LARGE1: variants seen among roughly 807,000 people sequenced by gnomAD.
LARGE1 encodes the protein LARGE xylosyl- and glucuronyltransferase 1.
In LARGE1, 43 loss-of-function variants were observed where a neutral mutation model predicts 87.6. That is an observed-to-expected ratio of 0.49 (90% CI 0.38 to 0.63). LARGE1 has a LOEUF of 0.63. LARGE1 is among the 30% of genes least tolerant of loss of function. The pLI is 0.00. For synonymous variants in LARGE1, 434 were observed against 394.6 expected (o/e 1.10, Z -1.18); for missense variants, 802 against 1,000.2 (o/e 0.80, Z 2.67).
chr22:33,315,251 T>G (rs1936023319), intron 11 of LARGE1, among the ~76,000 whole-genome samples: 1 of 152,192 alleles, frequency 6.6e-6, no homozygotes, highest in South Asian at 2.1e-4. Context: ...CTCACTTAAC[T>G]GCTCTGCAAG....
chr22:33,671,106 A>G (rs1384580782), intron 2 of LARGE1, among the ~76,000 whole-genome samples: 3 of 152,172 alleles, frequency 2.0e-5, no homozygotes, highest in Non-Finnish European at 4.4e-5. Context: ...TGGAAAGACA[A>G]GTGGATCAGA....
chr22:33,299,258 G>A (rs901931889), intron 12 of LARGE1, among the ~76,000 whole-genome samples: 1 of 149,754 alleles, frequency 6.7e-6, no homozygotes, highest in Non-Finnish European at 1.5e-5. Flanking sequence ...AATGAGAAAA[G>A]AGAGAAAAAG....
At chr22:33,583,783 T>C (rs2078589083) in intron 5 of LARGE1, among the ~76,000 whole-genome samples, 1 of 152,216 alleles carries the variant, frequency 6.6e-6, no homozygotes, top group South Asian at 2.1e-4. Context: ...TGCACTTCAG[T>C]ACACACATAT....
At chr22:33,740,696 T>G (rs1246242638) in intron 2 of LARGE1, among the ~76,000 whole-genome samples, 1 of 152,144 alleles carries the variant, frequency 6.6e-6, no homozygotes, top group Non-Finnish European at 1.5e-5. Flanking sequence ...AGGGGAAACC[T>G]CCACATCCAA....
chr22:33,422,511 T>C (rs1166281300), intron 7 of LARGE1, among the ~76,000 whole-genome samples: 3 of 126,018 alleles, frequency 2.4e-5, no homozygotes, highest in Non-Finnish European at 3.2e-5. Context: ...TGCTACACAC[T>C]TTTTTTTTTT....
At chr22:33,368,783 A>G (rs1317517142) in intron 9 of LARGE1, among the ~76,000 whole-genome samples, 1 of 152,138 alleles carries the variant, frequency 6.6e-6, no homozygotes, top group Non-Finnish European at 1.5e-5. Context: ...ATACATATAA[A>G]AATTATGTTT....
chr22:33,589,297 C>T (rs1008674226), intron 5 of LARGE1, among the ~76,000 whole-genome samples: 7 of 152,294 alleles, frequency 4.6e-5, no homozygotes, highest in Admixed American at 6.5e-5. Flanking sequence ...AATGAGATAA[C>T]ACTAAATGTT....
intron 1 of LARGE1, among the ~76,000 whole-genome samples, chr22:33,898,078 A>T (rs2065190597): frequency 6.6e-6 from 1 of 152,158 alleles, no homozygotes; most frequent in Non-Finnish European, 1.5e-5. Flanking sequence ...AGCTGTAGCC[A>T]CCCAAAAGGT....
chr22:33,226,384 G>T (rs1387008952), intron 11 of LARGE1, among the ~76,000 whole-genome samples: 2 of 152,170 alleles, frequency 1.3e-5, no homozygotes, highest in Non-Finnish European at 2.9e-5. Context: ...CTTCAGGTTG[G>T]ATGTGTTTTG....
chr22:33,390,877 A>C (rs1371904420), intron 7 of LARGE1, among the ~76,000 whole-genome samples: 1 of 151,928 alleles, frequency 6.6e-6, no homozygotes, highest in African/African-American at 2.4e-5. Flanking sequence ...TTGTATTTTT[A>C]AGAGAGAAGG....
chr22:33,636,563 C>T lies in LARGE1; in HGVS notation c.409-10237G>A, dbSNP rs367878541. On this transcript the variant is annotated intron_variant, in intron 3 of 14. Transcript: ENST00000397394. ...AACTATTTATTTCAGGGTCTTGCTC[C>T]GTCACCCAGGCTGGAGTGCAGTGGC... Among the ~76,000 whole-genome samples the T allele has an allele frequency of 4.6e-5, 7 of 152,062 alleles. 1 individual carries two copies. The highest frequency in any genetic ancestry group is 3.9e-4 in the East Asian group (2 of 5,176).
intron 11 of LARGE1, among the ~76,000 whole-genome samples, chr22:33,192,127 T>C (rs572389646): frequency 4.7e-4 from 71 of 152,370 alleles, no homozygotes; most frequent in Admixed American, 1.8e-3. Flanking sequence ...TTAGTATCTA[T>C]TGTTTATGAA....
intron 6 of LARGE1, among the ~76,000 whole-genome samples, chr22:33,500,701 G>A (rs1312599958): frequency 6.6e-6 from 1 of 152,144 alleles, no homozygotes; most frequent in East Asian, 1.9e-4. Context: ...GATGATGAAA[G>A]CACCTTTGCT....
At chr22:33,831,231 C>A (rs183778035) in intron 1 of LARGE1, among the ~76,000 whole-genome samples, 1 of 151,934 alleles carries the variant, frequency 6.6e-6, no homozygotes, top group East Asian at 1.9e-4. Flanking sequence ...CAGGCATGAG[C>A]CACTGCGACC....
chr22:33,346,733 C>T (rs899230912), intron 9 of LARGE1, among the ~76,000 whole-genome samples: 1 of 152,168 alleles, frequency 6.6e-6, no homozygotes, highest in Admixed American at 6.5e-5. Context: ...CCCATTCTTC[C>T]TAACAGAACA....
chr22:33,077,944 T>C, the LARGE1 span, among the ~76,000 whole-genome samples: 4 of 149,512 alleles, frequency 2.7e-5, no homozygotes, highest in East Asian at 7.8e-4. Context: ...TTTCGTTTCC[T>C]TTTTTTTTTC....
At chr22:33,378,195 G>GC (rs2065045432) in intron 9 of LARGE1, among the ~76,000 whole-genome samples, 1 of 152,106 alleles carries the variant, frequency 6.6e-6, no homozygotes, top group South Asian at 2.1e-4. Context: ...GTTAGTTTCT[G>GC]CCAAGTGCCT....
chr22:33,812,826 C>G (rs999498113), intron 1 of LARGE1, among the ~76,000 whole-genome samples: 1 of 152,228 alleles, frequency 6.6e-6, no homozygotes, highest in Non-Finnish European at 1.5e-5. Context: ...ACGCCAGGCC[C>G]TGTGCTAGAC....
intron 1 of LARGE1, among the ~76,000 whole-genome samples, chr22:33,817,968 T>C (rs2086706605): frequency 6.6e-6 from 1 of 151,956 alleles, no homozygotes; most frequent in African/African-American, 2.4e-5. Context: ...GGTAGCATGG[T>C]GGTGCAGGCA....
Sources: gnomAD v4.1 joint callset for allele counts (sites outside exome capture counted in the v4.1 genomes callset) on GRCh38, gnomAD v4.1.1 for gene constraint, MANE v1.5 for transcripts, NCBI Gene and HGNC (gene_info 2026-07-23, HGNC 2026-07-21) for gene names.